The following SLC12A2 variants were observed in gnomAD, a reference collection of about 807,000 sequenced individuals.
The protein encoded by SLC12A2 is solute carrier family 12 member 2, also known as Na-K-2Cl cotransporter 1.
A neutral mutation model predicts 136.3 loss-of-function variants in SLC12A2; 67 were observed. The ratio of observed to expected loss-of-function variants is 0.49; its 90% CI spans 0.40 to 0.60. The LOEUF is 0.60. Among genes scored for constraint, SLC12A2 ranks in the 20% least tolerant of loss-of-function variants. SLC12A2 has a pLI of 0.00. For missense variants in SLC12A2, 1,322 were observed against 1,534.7 expected, an observed-to-expected ratio of 0.86 and a Z score of 2.32; for synonymous variants, 619 against 562.9, an observed-to-expected ratio of 1.10 and a Z score of -1.41.
chr5:128,158,024 A>T, intron 15 of SLC12A2, 29 bp from the exon 16 acceptor site: 1 of 1,568,672 alleles, frequency 6.4e-7, no homozygotes, highest in Non-Finnish European at 8.7e-7. Flanking sequence ...AATTTATCTA[A>T]TTTTGTTTGT....
chr5:128,155,489 T>G (rs1374246798), intron 15 of SLC12A2, among the ~76,000 whole-genome samples: 2 of 152,230 alleles, frequency 1.3e-5, no homozygotes, highest in Non-Finnish European at 1.5e-5. Context: ...AGCTGAGCCA[T>G]GTAGTAAATT....
chr5:128,105,438 G>C (rs1190103979), intron 1 of SLC12A2, among the ~76,000 whole-genome samples: 1 of 152,202 alleles, frequency 6.6e-6, no homozygotes, highest in Non-Finnish European at 1.5e-5. Context: ...GACAGTGTCA[G>C]ATGGTACTGT....
rs1763255167 is a variant in SLC12A2, at chr5:128,168,030, TAAC to T, written c.2723+166_2723+168del. ...TCTGGGTTTTAAATTGATAATCTAT[TAAC>T]AATTTTTTATTGATCTTTATATGTC... On this transcript the variant is annotated intron_variant, in intron 18 of 26. Coordinates refer to ENST00000262461, the MANE Select transcript of SLC12A2 (RefSeq NM_001046.3). The T allele has an allele frequency of 1.9e-5, 10 of 513,248 alleles. No individual in the cohort carries two copies. The South Asian group carries it at 3.1e-4, about 16-fold the overall frequency. The allele number at this position is 513,248 out of a possible 1,614,324, so 31.8% of individuals were successfully genotyped here.
intron 1 of SLC12A2, chr5:128,110,656 A>G: frequency 3.3e-6 from 4 of 1,227,338 alleles, no homozygotes; most frequent in African/African-American, 3.0e-5. Flanking sequence ...GCTGAAGCCA[A>G]GACTCCGTCT....
intron 15 of SLC12A2, among the ~76,000 whole-genome samples, chr5:128,153,422 G>A (rs910226530): frequency 3.9e-4 from 59 of 152,136 alleles, no homozygotes; most frequent in African/African-American, 1.4e-3. Context: ...AGGCGTAGTG[G>A]CGCATGCCTG....
At chr5:128,116,251 C>T (rs540506023) in intron 4 of SLC12A2, among the ~76,000 whole-genome samples, 6 of 152,106 alleles carry the variant, frequency 3.9e-5, no homozygotes, top group Non-Finnish European at 8.8e-5. Context: ...CCACTGGCAA[C>T]ATTAACTTCA....
In SLC12A2 at chr5:128,188,921, CT is replaced by C. The variant is rs58399179; in HGVS notation, c.*2308del. Reference sequence around the variant, plus strand: ...TTGAAATGTGCACAGGTACACTTACCTTTTTTTTTTTTTTTTTTAAGTTTTT... The same window carrying C: ...TTGAAATGTGCACAGGTACACTTACCTTTTTTTTTTTTTTTTTAAGTTTTT... On this transcript the variant is annotated 3_prime_UTR_variant, in exon 27 of 27. Coordinates refer to ENST00000262461, the MANE Select transcript of SLC12A2 (RefSeq NM_001046.3). 0.071 allele frequency: 9,068 copies of C among 128,450 alleles called. 828 individuals are homozygous for C. The highest frequency in any genetic ancestry group is 0.22 in the African/African-American group (7,965 of 35,744). 8.0% of individuals were successfully genotyped at this position (128,450 alleles called of 1,614,324 possible).
chr5:128,106,912 A>T (rs1405215039), intron 1 of SLC12A2, among the ~76,000 whole-genome samples: 1 of 152,162 alleles, frequency 6.6e-6, no homozygotes, highest in Non-Finnish European at 1.5e-5. Flanking sequence ...TTTAACACAG[A>T]TGGGAAGAGA....
chr5:128,098,188 A>T (rs73337306), intron 1 of SLC12A2, among the ~76,000 whole-genome samples: 21,968 of 151,932 alleles, frequency 0.14, 1,851 homozygotes, highest in East Asian at 0.25. Context: ...CTGTACGTTG[A>T]TGTTTTTCAC....
chr5:128,093,989 C>A (rs1166423466), intron 1 of SLC12A2, among the ~76,000 whole-genome samples: 3 of 152,024 alleles, frequency 2.0e-5, no homozygotes, highest in Non-Finnish European at 4.4e-5. Flanking sequence ...TGGACTCTTC[C>A]TCTCCCTTCC....
chr5:128,166,383 AT>A (rs1763204151), intron 17 of SLC12A2, among the ~76,000 whole-genome samples: 1 of 152,102 alleles, frequency 6.6e-6, no homozygotes, highest in Admixed American at 6.6e-5. Context: ...TGGATAAAAA[AT>A]ATTCGTTGCT....
intron 12 of SLC12A2, 51 bp downstream of exon 12, chr5:128,148,928 C>G (rs746410420): frequency 1.4e-6 from 2 of 1,405,080 alleles, no homozygotes; most frequent in Non-Finnish European, 1.9e-6. Flanking sequence ...CATATTAGTT[C>G]TAGACGTTGA....
intron 10 of SLC12A2, among the ~76,000 whole-genome samples, chr5:128,147,119 C>G (rs1407919470): frequency 7.2e-6 from 1 of 138,860 alleles, no homozygotes; most frequent in African/African-American, 2.7e-5. Flanking sequence ...TTTGAACAGA[C>G]TATTTTTAAA....
chr5:128,126,966 A>ATATATATATATAATTT, intron 4 of SLC12A2, among the ~76,000 whole-genome samples: 3 of 21,160 alleles, frequency 1.4e-4, no homozygotes, highest in African/African-American at 7.4e-4. Flanking sequence ...ATATATATAT[A>ATATATATATATAATTT]TTTTTTTTTT....
chr5:128,151,218 T>G, intron 13 of SLC12A2, 23 bp from the exon 14 acceptor site: 4 of 1,592,002 alleles, frequency 2.5e-6, no homozygotes, highest in Middle Eastern at 1.7e-4. Flanking sequence ...TTTGTGTGAC[T>G]TTTATTTATT....
At chr5:128,100,454 T>C (rs556818701) in intron 1 of SLC12A2, among the ~76,000 whole-genome samples, 1 of 152,252 alleles carries the variant, frequency 6.6e-6, no homozygotes, top group East Asian at 1.9e-4. Flanking sequence ...TTAGGGATGC[T>C]GAACTCCAGT....
chr5:128,122,471 G>C (rs1027589218), intron 4 of SLC12A2, among the ~76,000 whole-genome samples: 4 of 152,168 alleles, frequency 2.6e-5, no homozygotes, highest in Non-Finnish European at 4.4e-5. Flanking sequence ...ATGCAACATT[G>C]TGGTTAGTCA....
intron 4 of SLC12A2, among the ~76,000 whole-genome samples, chr5:128,121,732 A>T (rs1761589567): frequency 6.6e-6 from 1 of 152,148 alleles, no homozygotes; most frequent in Non-Finnish European, 1.5e-5. Flanking sequence ...CGTTTACTTT[A>T]TTTCTGTCAT....
rs1335747614 is a variant in SLC12A2, at chr5:128,131,274, T to C, written c.1188+68T>C. ...TTGAGGGATTATATGCCGATCACCA[T>C]GTTAGAGGTTGGGAAAGCAGTGATA... On this transcript the variant is annotated intron_variant, in intron 5 of 26. Coordinates refer to ENST00000262461, the MANE Select transcript of SLC12A2 (RefSeq NM_001046.3). The C allele has an allele frequency of 3.3e-6, 5 of 1,500,624 alleles. No homozygotes were observed. In the East Asian group the frequency reaches 9.0e-5, roughly 27 times the overall value. 93.0% of individuals were successfully genotyped at this position (1,500,624 alleles called of 1,614,324 possible). A position where few individuals can be genotyped will look rare whatever the true frequency, so the allele number is the denominator to read the frequency against.
Sources: gnomAD v4.1 joint callset for allele counts (sites outside exome capture counted in the v4.1 genomes callset) on GRCh38, gnomAD v4.1.1 for gene constraint, MANE v1.5 for transcripts, NCBI Gene and HGNC (gene_info 2026-07-23, HGNC 2026-07-21) for gene names.